Variants in UBOX5 observed in about 807,000 individuals in gnomAD.
UBOX5 encodes U-box domain containing 5, also known as RING finger protein 37.
Under a neutral mutation model 39.0 loss-of-function variants are expected in UBOX5, and 28 were observed. The ratio of observed to expected loss-of-function variants is 0.72; its 90% CI spans 0.53 to 0.98. The LOEUF (loss-of-function observed/expected upper bound fraction) is 0.98, where lower values mean the gene tolerates loss of function less well. Among genes scored for constraint, UBOX5 ranks in the 50% least tolerant of loss-of-function variants. The pLI, the probability that UBOX5 is intolerant of heterozygous loss-of-function variation, is 0.00. For synonymous variants in UBOX5, 283 were observed against 275.5 expected (o/e 1.03, Z -0.27); for missense variants, 585 against 674.4 (o/e 0.87, Z 1.47).
chr20:3,148,247 T>G, intron 1 of UBOX5: 2 of 1,613,514 alleles, frequency 1.2e-6, no homozygotes, highest in South Asian at 1.1e-5. Context: ...CAAGGATAGA[T>G]CCTTCCAGTG....
chr20:3,116,806 G>A (rs937445699), intron 3 of UBOX5: 2 of 152,288 alleles, frequency 1.3e-5, no homozygotes, highest in South Asian at 2.1e-4. Context: ...AAAAAGAAAA[G>A]GTTGCCAGGC....
Position 3,121,800 on chromosome 20 carries a change from G to A in UBOX5, c.839C>T (p.Ser280Leu). 2 of 1,614,144 alleles carry A rather than the reference G, an allele frequency of 1.2e-6. No individual in the cohort carries two copies. Among genetic ancestry groups the A allele is most frequent in the Non-Finnish European group, 1.7e-6 (2 of 1,180,040 alleles). ...TGTGCTCTGGTCGATGACCTTGCCT[G>A]AGGGCAGCAGCATGGGACAAGGCAT... ...EIMPCPMLLPSGKVIDQSTLE... is the reference protein window; with the variant it reads ...EIMPCPMLLPLGKVIDQSTLE... Residue 280 changes from serine to leucine, a missense_variant, in exon 3 of 5, where the codon TCA (serine) becomes TTA (leucine). Transcript: ENST00000217173.
At position 3,121,622 on chromosome 20, in the gene UBOX5, G is replaced by A. The variant is rs2066336710; in HGVS notation, c.1017C>T (p.Gly339=). Residue 339 remains glycine, a synonymous_variant, in exon 3 of 5, where the codon GGC becomes GGT. Coordinates refer to ENST00000217173, the MANE Select transcript of UBOX5 (RefSeq NM_014948.4). ...DHFLLQHSIP[G]CHLLGRAQTA... ...TCTGTGCTCTCCCAAGCAGGTGGCA[G>A]CCAGGGATGGAGTGCTGGAGCAGGA... The A allele has an allele frequency of 2.5e-6, 4 of 1,609,832 alleles. No homozygotes were observed. Among genetic ancestry groups the A allele is most frequent in the Non-Finnish European group, 3.4e-6 (4 of 1,178,054 alleles).
intron 4 of UBOX5, 48 bp downstream of exon 4, chr20:3,115,257 C>G: frequency 1.9e-6 from 3 of 1,562,212 alleles, no homozygotes; most frequent in Non-Finnish European, 2.6e-6. Context: ...AGACAGAAAA[C>G]AGACCACCCA....
Position 3,122,081 on chromosome 20 carries a change from AG to A in UBOX5, c.557del (p.Pro186LeufsTer20). 6.2e-7 allele frequency: 1 copy of A among 1,614,234 alleles called. No individual in the cohort carries two copies. Among genetic ancestry groups the A allele is most frequent in the South Asian group, 1.1e-5 (1 of 91,088 alleles). The stretch of plus-strand genomic sequence containing the variant: ...CCCACACTTCCAACCGCTTGATACA[AG>A]GGATACCGCCGCCTGTCACATGGGT... ...CITHVTGGGI[P>X]CIKRLEVWGQ... On this transcript the variant is annotated frameshift_variant, in exon 3 of 5. Coordinates refer to ENST00000217173, the MANE Select transcript of UBOX5 (RefSeq NM_014948.4). LOFTEE classifies it high-confidence loss of function.
intron 1 of UBOX5, among the ~76,000 whole-genome samples, chr20:3,142,100 G>A (rs562788890): frequency 7.3e-5 from 11 of 150,936 alleles, no homozygotes; most frequent in South Asian, 6.3e-4. Context: ...TCGAGGCTGC[G>A]GTGAGCCATG....
At chr20:3,150,558 G>C (rs1362010304) in intron 1 of UBOX5, 1 of 152,176 alleles carries the variant, frequency 6.6e-6, no homozygotes, top group East Asian at 1.9e-4. Flanking sequence ...TGACAAGCAA[G>C]ACCCAAGGAG....
rs6051595 is a variant in UBOX5, at chr20:3,133,759, G to T, written c.-41-10353C>A. 6.1e-3 allele frequency among the ~76,000 whole-genome samples: 912 copies of T among 150,252 alleles called. 8 individuals are homozygous for T. The highest frequency in any genetic ancestry group is 7.4e-3 in the Non-Finnish European group (501 of 67,508). On this transcript the variant is annotated intron_variant, in intron 1 of 4. Coordinates refer to ENST00000217173, the MANE Select transcript of UBOX5 (RefSeq NM_014948.4). The stretch of plus-strand genomic sequence containing the variant: ...TCTTTTTTTTTCTTATTTTTTTTGG[G>T]GGGGGGAAACAGGCTCTCACTCCCA...
At chr20:3,158,115 T>C (rs1039594127) in intron 1 of UBOX5, among the ~76,000 whole-genome samples, 1 of 152,016 alleles carries the variant, frequency 6.6e-6, no homozygotes, top group Non-Finnish European at 1.5e-5. Context: ...TACATTTTGT[T>C]TTTTTGTGTG....
At chr20:3,156,341 A>C (rs2066685287) in intron 1 of UBOX5, among the ~76,000 whole-genome samples, 1 of 151,662 alleles carries the variant, frequency 6.6e-6, no homozygotes, top group Non-Finnish European at 1.5e-5. Flanking sequence ...ATGCCCACCT[A>C]ATTTTTTTGT....
rs369103050 is a variant in UBOX5 at position 3,147,676 on chromosome 20, G to T, written c.-42+12090C>A. 6.4e-5 allele frequency: 103 copies of T among 1,614,122 alleles called. No homozygotes were observed. The highest frequency in any genetic ancestry group is 9.3e-5 in the African/African-American group (7 of 74,946). On this transcript the variant is annotated intron_variant, in intron 1 of 4. Coordinates refer to ENST00000217173, the MANE Select transcript of UBOX5 (RefSeq NM_014948.4). ...TGGGCAGGTGTTCTGGGTACTGGTT[G>T]AATTCAGGCATCTTTCTGTGAATCT...
chr20:3,139,450 C>T (rs770876066), intron 1 of UBOX5, among the ~76,000 whole-genome samples: 3 of 151,930 alleles, frequency 2.0e-5, no homozygotes, highest in Non-Finnish European at 4.4e-5. Flanking sequence ...AGTGCAATGG[C>T]GCGATCTCGG....
intron 3 of UBOX5, among the ~76,000 whole-genome samples, chr20:3,117,299 A>G (rs1040687121): frequency 5.6e-5 from 6 of 106,900 alleles, no homozygotes; most frequent in East Asian, 6.0e-4. Flanking sequence ...ACACACACAC[A>G]CACACACACA....
chr20:3,120,356 A>AG (rs2066324802), intron 3 of UBOX5, among the ~76,000 whole-genome samples: 1 of 151,300 alleles, frequency 6.6e-6, no homozygotes, highest in Non-Finnish European at 1.5e-5. Context: ...AAAAAAAAAA[A>AG]AAAAAACAGA....
intron 1 of UBOX5, among the ~76,000 whole-genome samples, chr20:3,136,454 A>G (rs915591045): frequency 6.9e-6 from 1 of 144,568 alleles, no homozygotes; most frequent in African/African-American, 2.6e-5. Context: ...CCCAGGTTCA[A>G]GCAATTCTCC....
chr20:3,142,559 G>A (rs1429889671), intron 1 of UBOX5, among the ~76,000 whole-genome samples: 3 of 147,854 alleles, frequency 2.0e-5, no homozygotes, highest in African/African-American at 2.5e-5. Context: ...AGCTGAGATC[G>A]TGCTACTACA....
chr20:3,142,772 CAAAAAAA>C (rs58907108), intron 1 of UBOX5, among the ~76,000 whole-genome samples: 1 of 77,770 alleles, frequency 1.3e-5, no homozygotes, highest in Non-Finnish European at 2.3e-5. Flanking sequence ...AACTCTGTCT[CAAAAAAA>C]AAAAAAAAAA....
chr20:3,156,670 C>T (rs1267199526), intron 1 of UBOX5: 9 of 152,256 alleles, frequency 5.9e-5, no homozygotes. Flanking sequence ...TTTCACAGGA[C>T]TGAAGAATCT....
At chr20:3,148,372 G>A in intron 1 of UBOX5, 1 of 1,614,146 alleles carries the variant, frequency 6.2e-7, no homozygotes. Flanking sequence ...ATACCTGATG[G>A]CAACACTTGG....
Sources: gnomAD v4.1 joint callset for allele counts (sites outside exome capture counted in the v4.1 genomes callset) on GRCh38, gnomAD v4.1.1 for gene constraint, MANE v1.5 for transcripts, NCBI Gene and HGNC (gene_info 2026-07-23, HGNC 2026-07-21) for gene names.